Variants in TBC1D22A observed in about 807,000 individuals in gnomAD.
TBC1D22A encodes the protein putative GTPase activator.
TBC1D22A carries 38 observed loss-of-function variants against 60.2 expected under a neutral mutation model. The ratio of observed to expected loss-of-function variants is 0.63; its 90% CI spans 0.49 to 0.83. The LOEUF (loss-of-function observed/expected upper bound fraction) is 0.83, where lower values mean the gene tolerates loss of function less well. Ranked by LOEUF, TBC1D22A falls within the 40% of genes least tolerant of loss-of-function variation. The probability of loss-of-function intolerance (pLI) is 0.00; values close to 1 mark genes in which losing one functional copy is unlikely to be tolerated. For missense variants in TBC1D22A, 628 were observed against 701.0 expected, an observed-to-expected ratio of 0.90 and a Z score of 1.18; for synonymous variants, 302 against 281.7, an observed-to-expected ratio of 1.07 and a Z score of -0.72.
rs1164480542 is a variant in TBC1D22A, at chr22:46,941,375, A to AGAATATATATACAGAATATATATACG, written c.1015+29199_1015+29200insAGAATATATATACGGAATATATATAC. ...GAATATATATACAGAATATATATAC[A>AGAATATATATACAGAATATATATACG]GAATATATATACGGAATATATATAC... On this transcript the variant is annotated intron_variant, in intron 8 of 12. Coordinates refer to ENST00000337137, the MANE Select transcript of TBC1D22A (RefSeq NM_014346.5). Among the ~76,000 whole-genome samples the AGAATATATATACAGAATATATATACG allele has an allele frequency of 8.0e-4, 115 of 143,622 alleles. 2 individuals carry two copies. Among genetic ancestry groups the AGAATATATATACAGAATATATATACG allele is most frequent in the Non-Finnish European group, 1.1e-3 (68 of 64,362 alleles). The allele number at this position is 143,622 out of a possible 152,430, so 94.2% of individuals were successfully genotyped here. A position where few individuals can be genotyped will look rare whatever the true frequency, so the allele number is the denominator to read the frequency against.
chr22:47,077,916 A>T (rs2064293571), intron 11 of TBC1D22A, among the ~76,000 whole-genome samples: 1 of 152,188 alleles, frequency 6.6e-6, no homozygotes, highest in African/African-American at 2.4e-5. Context: ...CACAGTCTGT[A>T]CTCAGTACCT....
intron 5 of TBC1D22A, 84 bp from the exon 6 acceptor site, chr22:46,891,182 C>G (rs2147599546): frequency 7.1e-7 from 1 of 1,415,566 alleles, no homozygotes; most frequent in East Asian, 2.6e-5. Context: ...AGGTATGATG[C>G]AAGTCTTTTT....
At chr22:46,894,938 C>T in intron 7 of TBC1D22A, 92 bp downstream of exon 7, 1 of 1,423,214 alleles carries the variant, frequency 7.0e-7, no homozygotes. Context: ...GGAGGTGCTT[C>T]ACCCAGAAGC....
chr22:47,001,979 G>A (rs2061423222), intron 10 of TBC1D22A, among the ~76,000 whole-genome samples: 1 of 152,182 alleles, frequency 6.6e-6, no homozygotes, highest in Non-Finnish European at 1.5e-5. Flanking sequence ...TAGGCTCAAA[G>A]AGGGTATGCT....
At chr22:47,003,536 A>ACACACATGCCTGTATACACACACCCTACG (rs981708558) in intron 10 of TBC1D22A, among the ~76,000 whole-genome samples, 1 of 144,048 alleles carries the variant, frequency 6.9e-6, no homozygotes, top group Admixed American at 6.9e-5. Context: ...CACACCCTAC[A>ACACACATGCCTGTATACACACACCCTACG]CACACATGCC....
intron 8 of TBC1D22A, among the ~76,000 whole-genome samples, chr22:46,961,552 A>C (rs895868926): frequency 6.6e-6 from 1 of 152,262 alleles, no homozygotes; most frequent in African/African-American, 2.4e-5. Context: ...TGAAGTTTCC[A>C]GATTTCCGTA....
In TBC1D22A at chr22:46,777,622, T is replaced by G. The variant is rs1329751544; in HGVS notation, c.62+14774T>G. ...GGAACACACAGAAGAGTCTGGGGCATGCAGAGAGGCTGGCAGGAGGCAGAG... is the reference window on the plus strand; with the variant it reads ...GGAACACACAGAAGAGTCTGGGGCAGGCAGAGAGGCTGGCAGGAGGCAGAG... On this transcript the variant is annotated intron_variant, in intron 1 of 12. Coordinates refer to ENST00000337137, the MANE Select transcript of TBC1D22A (RefSeq NM_014346.5). The surrounding 1 kb of genome is among the most constrained non-coding windows in gnomAD (Gnocchi z 4.5). Among the ~76,000 whole-genome samples the G allele has an allele frequency of 6.6e-6, 1 of 152,088 alleles. No homozygotes were observed. The highest frequency in any genetic ancestry group is 2.4e-5 in the African/African-American group (1 of 41,400).
At chr22:46,763,983 A>C (rs1031646044) in intron 1 of TBC1D22A, 6 of 152,314 alleles carry the variant, frequency 3.9e-5, no homozygotes, top group African/African-American at 1.2e-4. Flanking sequence ...AATCCTGGCT[A>C]CTTGGGAGGC....
chr22:47,031,664 G>T (rs529336473), intron 10 of TBC1D22A, among the ~76,000 whole-genome samples: 7 of 152,300 alleles, frequency 4.6e-5, no homozygotes, highest in Non-Finnish European at 8.8e-5. Context: ...CAATCCTCAG[G>T]CCCATCTTGG....
At chr22:47,164,145 C>T (rs2068103417) in intron 12 of TBC1D22A, among the ~76,000 whole-genome samples, 2 of 152,224 alleles carry the variant, frequency 1.3e-5, no homozygotes, top group Admixed American at 6.5e-5. Context: ...GCAAAGCTGG[C>T]CCAGCCACGT....
chr22:47,058,190 C>A (rs1398756277), intron 11 of TBC1D22A, among the ~76,000 whole-genome samples: 1 of 152,224 alleles, frequency 6.6e-6, no homozygotes, highest in African/African-American at 2.4e-5. Flanking sequence ...GCCCAGACAG[C>A]TGGAGCTCCC....
chr22:46,865,887 A>G (rs575237741), intron 4 of TBC1D22A, among the ~76,000 whole-genome samples: 7 of 152,186 alleles, frequency 4.6e-5, no homozygotes, highest in Non-Finnish European at 1.0e-4. Flanking sequence ...ATTTATGTTT[A>G]TCTGTAGCAC....
At position 47,174,698 on chromosome 22, in the gene TBC1D22A, TCCTGCCCTGGACC is replaced by T. The variant is rs2068619432; in HGVS notation, c.*1073_*1085del. 6.8e-6 allele frequency: 1 copy of T among 146,620 alleles called. No homozygotes were observed. The highest frequency in any genetic ancestry group is 6.9e-5 in the Admixed American group (1 of 14,446). The allele number at this position is 146,620 out of a possible 1,614,324, so 9.1% of individuals were successfully genotyped here. ...ATGGACCACTCCTGCCCTGGACCACTCCTGCCCTGGACCGGTTCTGCCGTGGACTGGTTCCCGC... is the reference window on the plus strand; with the variant it reads ...ATGGACCACTCCTGCCCTGGACCACTGGTTCTGCCGTGGACTGGTTCCCGC... On this transcript the variant is annotated 3_prime_UTR_variant, in exon 13 of 13. Transcript: ENST00000337137.
intron 3 of TBC1D22A, among the ~76,000 whole-genome samples, chr22:46,794,176 C>T (rs777223389): frequency 1.2e-4 from 18 of 152,186 alleles, no homozygotes; most frequent in Non-Finnish European, 2.4e-4. Context: ...GGGGAGCAAG[C>T]GCCTGGGGAC....
chr22:46,937,631 C>A (rs1036694452), intron 8 of TBC1D22A, among the ~76,000 whole-genome samples: 1 of 152,116 alleles, frequency 6.6e-6, no homozygotes, highest in Non-Finnish European at 1.5e-5. Flanking sequence ...CAGCCTCAGG[C>A]TGGTCTTTCA....
At chr22:47,066,325 G>T (rs374129056) in intron 11 of TBC1D22A, among the ~76,000 whole-genome samples, 1 of 152,244 alleles carries the variant, frequency 6.6e-6, no homozygotes, top group Non-Finnish European at 1.5e-5. Flanking sequence ...ACCCACGAGG[G>T]GGGTTCCTCG....
chr22:47,115,300 A>T (rs112954689), intron 12 of TBC1D22A, among the ~76,000 whole-genome samples: 6 of 152,138 alleles, frequency 3.9e-5, no homozygotes, highest in Admixed American at 1.3e-4. Context: ...TCCGCAGGCT[A>T]TATGTATGTG....
At chr22:46,898,621 A>G (rs2068814515) in intron 7 of TBC1D22A, among the ~76,000 whole-genome samples, 1 of 152,228 alleles carries the variant, frequency 6.6e-6, no homozygotes, top group African/African-American at 2.4e-5. Flanking sequence ...ACCTAGACAC[A>G]ATGGGGCAGG....
At chr22:46,820,590 C>A (rs2085784844) in intron 4 of TBC1D22A, among the ~76,000 whole-genome samples, 1 of 152,150 alleles carries the variant, frequency 6.6e-6, no homozygotes, top group Non-Finnish European at 1.5e-5. Context: ...GCACTGTGGT[C>A]TGAGAGACTG....
Sources: gnomAD v4.1 joint callset for allele counts (sites outside exome capture counted in the v4.1 genomes callset) on GRCh38, gnomAD v4.1.1 for gene constraint, Gnocchi (gnomAD v3.1) non-coding constraint, MANE v1.5 for transcripts, NCBI Gene and HGNC (gene_info 2026-07-23, HGNC 2026-07-21) for gene names.